CDADC1: variants seen among roughly 807,000 people sequenced by gnomAD.
The protein encoded by CDADC1 is cytidine and dCMP deaminase domain containing 1.
In CDADC1, 39 loss-of-function variants were observed where a neutral mutation model predicts 54.9. The ratio of observed to expected loss-of-function variants is 0.71; its 90% CI spans 0.55 to 0.93. The LOEUF is 0.93. CDADC1 is among the 40% of genes least tolerant of loss of function. The probability of loss-of-function intolerance (pLI) is 0.00; values close to 1 mark genes in which losing one functional copy is unlikely to be tolerated. For synonymous variants in CDADC1, 186 were observed against 204.0 expected (o/e 0.91, Z 0.75); for missense variants, 518 against 618.8 (o/e 0.84, Z 1.73).
intron 5 of CDADC1, among the ~76,000 whole-genome samples, chr13:49,269,056 GA>G (rs904929825): frequency 6.6e-6 from 1 of 152,084 alleles, no homozygotes; most frequent in African/African-American, 2.4e-5. Flanking sequence ...TGATAAAGGG[GA>G]AAAAACATAG....
Position 49,292,583 on chromosome 13 carries a change from T to C in CDADC1, c.*826T>C, listed in dbSNP as rs1360601237. The C allele has an allele frequency of 8.6e-7, 1 of 1,158,700 alleles. No homozygotes were observed. The highest frequency in any genetic ancestry group is 1.1e-6 in the Non-Finnish European group (1 of 928,694). 71.8% of individuals were successfully genotyped at this position (1,158,700 alleles called of 1,614,324 possible). A position where few individuals can be genotyped will look rare whatever the true frequency, so the allele number is the denominator to read the frequency against. On this transcript the variant is annotated 3_prime_UTR_variant, in exon 10 of 10. Transcript: ENST00000251108. ...TTCTGTATAATTAACATAGGTTGTC[T>C]CATGGCTTTGATCTTCAAAAGGAAG...
chr13:49,287,587 T>C (rs765318977), intron 9 of CDADC1, among the ~76,000 whole-genome samples: 1 of 152,168 alleles, frequency 6.6e-6, no homozygotes, highest in African/African-American at 2.4e-5. Context: ...GGCCAATGAA[T>C]AATTTCCTAT....
chr13:49,289,632 A>G (rs1953640823), intron 9 of CDADC1, among the ~76,000 whole-genome samples: 1 of 152,240 alleles, frequency 6.6e-6, no homozygotes, highest in African/African-American at 2.4e-5. Flanking sequence ...CAAATGAACT[A>G]GAGCTACATT....
intron 2 of CDADC1, among the ~76,000 whole-genome samples, chr13:49,252,577 T>C (rs1318976344): frequency 6.6e-6 from 1 of 152,212 alleles, no homozygotes; most frequent in Non-Finnish European, 1.5e-5. Flanking sequence ...CCAATGATAG[T>C]GTGGGGGAAG....
chr13:49,276,702 G>GA (rs1953145810), intron 6 of CDADC1, among the ~76,000 whole-genome samples: 1 of 152,156 alleles, frequency 6.6e-6, no homozygotes, highest in Non-Finnish European at 1.5e-5. Context: ...TCCTCTGCCA[G>GA]AAATTCCTCA....
In CDADC1 at chr13:49,292,545, A is replaced by G. The variant is rs1035614410; in HGVS notation, c.*788A>G. 6 of 1,093,178 alleles carry G rather than the reference A, an allele frequency of 5.5e-6. No individual in the cohort carries two copies. The African/African-American group carries it at 8.3e-5, about 15-fold the overall frequency. 67.7% of individuals were successfully genotyped at this position (1,093,178 alleles called of 1,614,324 possible). On this transcript the variant is annotated 3_prime_UTR_variant, in exon 10 of 10. Transcript: ENST00000251108. Reference sequence around the variant, plus strand: ...TTCCATTAATAAATGCTGCTCCCCCATATAGTCTTCCCTTCTGTATAATTA... The same window carrying G: ...TTCCATTAATAAATGCTGCTCCCCCGTATAGTCTTCCCTTCTGTATAATTA...
intron 1 of CDADC1, chr13:49,248,616 T>G (rs976445473): frequency 1.2e-5 from 6 of 483,564 alleles, no homozygotes; most frequent in African/African-American, 1.2e-4. Flanking sequence ...CTATGTGTAT[T>G]AGCTGTACCG....
chr13:49,271,099 G>A (rs1016294523), intron 5 of CDADC1, among the ~76,000 whole-genome samples: 4 of 152,172 alleles, frequency 2.6e-5, no homozygotes, highest in African/African-American at 9.7e-5. Flanking sequence ...GAATAAAGAG[G>A]ATCCATAGAG....
intron 4 of CDADC1, among the ~76,000 whole-genome samples, 157 bp from the exon 5 acceptor site, chr13:49,267,323 TGTGGGTGGTA>T (rs936568994): frequency 3.6e-4 from 55 of 152,210 alleles, no homozygotes; most frequent in Admixed American, 2.3e-3. Flanking sequence ...GGATTTGGCC[TGTGGGTGGTA>T]GTTTGCCAAC....
At chr13:49,272,657 C>T (rs66763634) in intron 5 of CDADC1, among the ~76,000 whole-genome samples, 3,693 of 132,856 alleles carry the variant, frequency 0.028, 70 homozygotes, top group Admixed American at 0.053. Flanking sequence ...ATTTCTTTTT[C>T]TTTTTTTTTT....
chr13:49,252,312 G>A (rs867453954), intron 2 of CDADC1, among the ~76,000 whole-genome samples: 2 of 152,216 alleles, frequency 1.3e-5, no homozygotes, highest in East Asian at 3.8e-4. Context: ...GGCACTTGGG[G>A]AGGGAGAGCC....
intron 9 of CDADC1, among the ~76,000 whole-genome samples, chr13:49,286,685 C>A (rs1164349457): frequency 2.0e-5 from 3 of 152,216 alleles, no homozygotes; most frequent in South Asian, 2.1e-4. Context: ...CTAGAGTAAA[C>A]CCACATTTGC....
At chr13:49,286,353 G>A in intron 9 of CDADC1, 71 bp downstream of exon 9, 1 of 1,127,018 alleles carries the variant, frequency 8.9e-7, no homozygotes, top group Non-Finnish European at 1.3e-6. Flanking sequence ...TTAATGATCA[G>A]GTGATGAAAA....
At chr13:49,276,855 A>G (rs539637108) in intron 6 of CDADC1, among the ~76,000 whole-genome samples, 1 of 152,316 alleles carries the variant, frequency 6.6e-6, no homozygotes, top group Admixed American at 6.5e-5. Flanking sequence ...GCATAGGTCT[A>G]ACTGGTGGTT....
chr13:49,263,718 T>C (rs1477474241), intron 4 of CDADC1, among the ~76,000 whole-genome samples: 2 of 152,206 alleles, frequency 1.3e-5, no homozygotes, highest in Admixed American at 1.3e-4. Context: ...AGAAGCAAAT[T>C]TGAGCATCCA....
chr13:49,280,990 C>T (rs967477981), intron 8 of CDADC1, among the ~76,000 whole-genome samples: 2 of 151,768 alleles, frequency 1.3e-5, no homozygotes, highest in African/African-American at 4.8e-5. Flanking sequence ...CCGGCCACCA[C>T]GCCTGGCTAA....
chr13:49,271,481 T>A (rs1593823962), intron 5 of CDADC1, among the ~76,000 whole-genome samples: 1 of 152,070 alleles, frequency 6.6e-6, no homozygotes, highest in East Asian at 1.9e-4. Context: ...AACTCAGTGG[T>A]TCTCAGATAT....
chr13:49,251,166 T>C (rs1014363936), intron 2 of CDADC1, among the ~76,000 whole-genome samples: 2 of 152,066 alleles, frequency 1.3e-5, no homozygotes, highest in Non-Finnish European at 2.9e-5. Context: ...TCCCAGCACT[T>C]TGGGAGGCCG....
chr13:49,278,271 G>A (rs1953203599), intron 6 of CDADC1, 79 bp from the exon 7 acceptor site: 2 of 1,056,052 alleles, frequency 1.9e-6, no homozygotes, highest in Non-Finnish European at 2.7e-6. Context: ...TACAAAGTAT[G>A]ATAGCAAGCT....
Sources: gnomAD v4.1 joint callset for allele counts (sites outside exome capture counted in the v4.1 genomes callset) on GRCh38, gnomAD v4.1.1 for gene constraint, MANE v1.5 for transcripts, NCBI Gene and HGNC (gene_info 2026-07-23, HGNC 2026-07-21) for gene names.